The following UPK1A variants were observed in gnomAD, a reference collection of about 807,000 sequenced individuals.
UPK1A encodes the protein uroplakin-1a.
Under a neutral mutation model 32.3 loss-of-function variants are expected in UPK1A, and 31 were observed. The ratio of observed to expected loss-of-function variants is 0.96; its 90% CI spans 0.72 to 1.30. The LOEUF (loss-of-function observed/expected upper bound fraction) is 1.30, where lower values mean the gene tolerates loss of function less well. Among genes scored for constraint, UPK1A ranks in the 50% most tolerant of loss-of-function variants. The probability of loss-of-function intolerance (pLI) is 0.00; values close to 1 mark genes in which losing one functional copy is unlikely to be tolerated. For missense variants in UPK1A, 340 were observed against 357.4 expected (o/e 0.95, Z 0.39); for synonymous variants, 135 against 137.1 (o/e 0.98, Z 0.11).
At chr19:35,668,784 T>C (rs936913378) in intron 3 of UPK1A, 130 bp downstream of exon 3, 12 of 1,029,868 alleles carry the variant, frequency 1.2e-5, no homozygotes, top group Non-Finnish European at 1.7e-5. Context: ...ATCCCAGGCA[T>C]CATCTCATTC....
At chr19:35,667,877 A>T (rs1382787815) in intron 2 of UPK1A, 2 of 173,236 alleles carry the variant, frequency 1.2e-5, no homozygotes, top group Admixed American at 5.9e-5. Context: ...GCAGCCTCCA[A>T]CTCCTGGGCT....
At chr19:35,666,744 C>A in intron 1 of UPK1A, 65 bp from the exon 2 acceptor site, 1 of 1,538,158 alleles carries the variant, frequency 6.5e-7, no homozygotes, top group Non-Finnish European at 9.0e-7. Context: ...CAGGGTGTGG[C>A]TCAGAGATGG....
chr19:35,676,191 CTTTCT>C, intron 6 of UPK1A, 172 bp downstream of exon 6: 17 of 773,628 alleles, frequency 2.2e-5, no homozygotes, highest in East Asian at 5.9e-5. Context: ...TTCTTTCTTT[CTTTCT>C]TTTTTTTTTT....
At chr19:35,675,800 C>T in intron 5 of UPK1A, 40 bp from the exon 6 acceptor site, 6 of 1,569,906 alleles carry the variant, frequency 3.8e-6, no homozygotes, top group Non-Finnish European at 4.3e-6. Flanking sequence ...ACTGTCCTCT[C>T]TGAGCCCGAG....
In UPK1A at chr19:35,666,908, C is replaced by G; in HGVS notation, c.84+12C>G. 6.2e-7 allele frequency: 1 copy of G among 1,613,856 alleles called. No individual in the cohort carries two copies. The highest frequency in any genetic ancestry group is 1.1e-5 in the South Asian group (1 of 91,068). The stretch of plus-strand genomic sequence containing the variant: ...ATATCATTATTCTGGTGAGACTCGC[C>G]CCAGTGCTGGGAGCCGAGTGGTTGT... On this transcript the variant is annotated intron_variant, in intron 2 of 7. Transcript: ENST00000617999.
At chr19:35,666,560 T>G in intron 1 of UPK1A, 22 bp downstream of exon 1, 2 of 494,864 alleles carry the variant, frequency 4.0e-6, no homozygotes, top group East Asian at 3.6e-5. Context: ...GCCCTGGGAG[T>G]CTGGGTATGG....
rs1245435430 is a variant in UPK1A, at chr19:35,668,136, A to T, written c.85-318A>T. ...GCCATGTTCCCCTCCTCGGGGAATAACAGCACTGTCAAGGGAGGGCAGATG... is the reference window on the plus strand; with the variant it reads ...GCCATGTTCCCCTCCTCGGGGAATATCAGCACTGTCAAGGGAGGGCAGATG... On this transcript the variant is annotated intron_variant, in intron 2 of 7. Coordinates refer to ENST00000617999, the Ensembl canonical transcript of UPK1A. The T allele has an allele frequency of 2.3e-5, 10 of 432,522 alleles. No individual in the cohort carries two copies. The East Asian group carries it at 4.9e-4, about 21-fold the overall frequency. 26.8% of individuals were successfully genotyped at this position (432,522 alleles called of 1,614,324 possible).
At position 35,675,843 on chromosome 19, in the gene UPK1A, G is replaced by T. The variant is rs1329910287; in HGVS notation, c.472G>T (p.Glu158Ter). The change falls in exon 6 of 8, where the codon GAA becomes TAA. Residue 158 changes from glutamate (E) to a stop codon, truncating the protein, a stop_gained. Transcript: ENST00000617999. LOFTEE classifies it high-confidence loss of function. ...GACCCCCTGCTTTTCACTCTAGCAA[G>T]AATGCTGTGGCACATCTGGTCCCAT... 9 of 1,609,156 alleles carry T rather than the reference G, an allele frequency of 5.6e-6. No individual in the cohort carries two copies. The highest frequency in any genetic ancestry group is 2.7e-5 in the African/African-American group (2 of 74,770).
chr19:35,673,830 A>G (rs1968141074), intron 5 of UPK1A, among the ~76,000 whole-genome samples: 1 of 152,174 alleles, frequency 6.6e-6, no homozygotes, highest in Admixed American at 6.5e-5. Context: ...TACACATACT[A>G]CCTCAACAGA....
chr19:35,671,757 C>T (rs550526918), intron 3 of UPK1A, among the ~76,000 whole-genome samples: 7 of 151,980 alleles, frequency 4.6e-5, no homozygotes, highest in Admixed American at 3.3e-4. Context: ...CCACCGTGCC[C>T]GGCCCCCAAA....
chr19:35,666,923 C>T (rs766544281), intron 2 of UPK1A, 27 bp downstream of exon 2: 14 of 1,612,296 alleles, frequency 8.7e-6, no homozygotes, highest in South Asian at 5.5e-5. Context: ...TGCTGGGAGC[C>T]GAGTGGTTGT....
rs757773743 is a variant in UPK1A at position 35,668,458 on chromosome 19, C to G, written c.89C>G (p.Ser30Ter). The change falls in exon 3 of 8, where the codon TCA (serine) becomes TGA (stop). Residue 30 changes from serine to a stop codon, truncating the protein, a stop_gained. Coordinates refer to ENST00000617999, the Ensembl canonical transcript of UPK1A. LOFTEE classifies it high-confidence loss of function. The stretch of plus-strand genomic sequence containing the variant: ...CTAACCCACCGCTCTGTCCAGCTGT[C>G]AGGCCTGTCCCTGTTTGCTGAGACC... The G allele has an allele frequency of 6.2e-7, 1 of 1,614,154 alleles. No individual in the cohort carries two copies. Among genetic ancestry groups the G allele is most frequent in the Non-Finnish European group, 8.5e-7 (1 of 1,180,048 alleles).
At chr19:35,669,499 TAAAAAAAAAAA>T (rs34854874) in intron 3 of UPK1A, among the ~76,000 whole-genome samples, 22,146 of 116,380 alleles carry the variant, frequency 0.19, 1,869 homozygotes, top group South Asian at 0.29. Flanking sequence ...ATCCCATCTC[TAAAAAAAAAAA>T]AAAAAAAAAA....
chr19:35,674,293 C>T (rs1968149710), intron 5 of UPK1A, among the ~76,000 whole-genome samples: 1 of 133,350 alleles, frequency 7.5e-6, no homozygotes, highest in Non-Finnish European at 1.5e-5. Context: ...GTCGCCCAGG[C>T]TGGAATGCAG....
chr19:35,672,370 T>C (rs1165276931), intron 3 of UPK1A, among the ~76,000 whole-genome samples: 1 of 152,134 alleles, frequency 6.6e-6, no homozygotes, highest in Non-Finnish European at 1.5e-5. Flanking sequence ...CAAGCTATTC[T>C]CCTATCTCAT....
exon 3 of UPK1A, chr19:35,668,481 A>G (rs1968034778): frequency 1.2e-6 from 2 of 1,614,128 alleles, no homozygotes; most frequent in Non-Finnish European, 1.7e-6. Context: ...GTTTGCTGAG[A>G]CCATATGGGT....
chr19:35,666,846 G>GAGGCC lies in UPK1A; in HGVS notation c.34_35insAGGCC (p.Gly12GlufsTer11), dbSNP rs1447617700. The GAGGCC allele has an allele frequency of 1.2e-6, 2 of 1,614,028 alleles. No individual in the cohort carries two copies. The highest frequency in any genetic ancestry group is 1.7e-6 in the Non-Finnish European group (2 of 1,180,040). On this transcript the variant is annotated frameshift_variant, in exon 2 of 8. Transcript: ENST00000617999. LOFTEE classifies it high-confidence loss of function. ...TGCGGCAGCAGCGGAGGCCGAGAAGGGATCTCCAGTTGTGGTGGGCCTGCT... is the reference window on the plus strand; with the variant it reads ...TGCGGCAGCAGCGGAGGCCGAGAAGGAGGCCGATCTCCAGTTGTGGTGGGCCTGCT...
Position 35,673,560 on chromosome 19 carries a change from C to A in UPK1A, c.468+15C>A. On this transcript the variant is annotated intron_variant, in intron 5 of 7. Transcript: ENST00000617999. Reference sequence around the variant, plus strand: ...TCATGATTGAGGTGGGCGGGGTGGACCGGGTGCTGGGAGGGCCCTGGGCTC... The same window carrying A: ...TCATGATTGAGGTGGGCGGGGTGGAACGGGTGCTGGGAGGGCCCTGGGCTC... The A allele has an allele frequency of 6.2e-7, 1 of 1,611,496 alleles. No individual in the cohort carries two copies. Among genetic ancestry groups the A allele is most frequent in the South Asian group, 1.1e-5 (1 of 90,920 alleles).
exon 3 of UPK1A, chr19:35,668,537 C>G (rs1303260249): frequency 6.2e-7 from 1 of 1,614,186 alleles, no homozygotes. Flanking sequence ...GAGTCTCAGG[C>G]AAGGATGACG....
Sources: allele counts gnomAD v4.1 joint callset (sites outside exome capture counted in the v4.1 genomes callset), GRCh38; gene constraint gnomAD v4.1.1; transcripts MANE v1.5; gene names NCBI Gene and HGNC (gene_info 2026-07-23, HGNC 2026-07-21).